CFAP97: variants seen among roughly 807,000 people sequenced by gnomAD.
The protein encoded by CFAP97 is cilia- and flagella-associated protein 97.
CFAP97 carries 36 observed loss-of-function variants against 43.1 expected under a neutral mutation model. The ratio of observed to expected loss-of-function variants is 0.84; its 90% CI spans 0.64 to 1.10. The LOEUF (loss-of-function observed/expected upper bound fraction) is 1.10, where lower values mean the gene tolerates loss of function less well. Among genes scored for constraint, CFAP97 ranks in the 50% least tolerant of loss-of-function variants. The probability of loss-of-function intolerance (pLI) is 0.00; values close to 1 mark genes in which losing one functional copy is unlikely to be tolerated. For missense variants in CFAP97, 657 were observed against 620.3 expected (o/e 1.06, Z -0.63); for synonymous variants, 228 against 225.7 (o/e 1.01, Z -0.09).
At chr4:185,181,973 T>G (rs1055979846) in intron 2 of CFAP97, among the ~76,000 whole-genome samples, 4 of 152,184 alleles carry the variant, frequency 2.6e-5, no homozygotes, top group Non-Finnish European at 4.4e-5. Context: ...TAGCAAAAAA[T>G]TTAACCAGTT....
At chr4:185,205,833 T>C (rs953964525), upstream of CFAP97, among the ~76,000 whole-genome samples, 2 of 152,046 alleles carry the variant, frequency 1.3e-5, no homozygotes, top group Non-Finnish European at 2.9e-5. Context: ...TGTCTCTAAA[T>C]AAATAAACAA....
At chr4:185,168,240 C>T (rs994638294) in intron 3 of CFAP97, among the ~76,000 whole-genome samples, 8 of 151,120 alleles carry the variant, frequency 5.3e-5, no homozygotes, top group Non-Finnish European at 8.8e-5. Context: ...TTTACAAAAT[C>T]TTAGAACTGC....
chr4:185,177,049 C>A (rs1735577461), intron 2 of CFAP97, among the ~76,000 whole-genome samples: 1 of 152,100 alleles, frequency 6.6e-6, no homozygotes, highest in Non-Finnish European at 1.5e-5. Flanking sequence ...GCAATTACTA[C>A]TAAACATTTG....
At chr4:185,172,336 T>TC (rs1735335878) in intron 3 of CFAP97, among the ~76,000 whole-genome samples, 1 of 152,218 alleles carries the variant, frequency 6.6e-6, no homozygotes, top group African/African-American at 2.4e-5. Flanking sequence ...ATCTTGAACC[T>TC]CATCAGGACA....
chr4:185,194,902 G>A (rs1288489156), intron 1 of CFAP97, among the ~76,000 whole-genome samples: 1 of 152,080 alleles, frequency 6.6e-6, no homozygotes, highest in African/African-American at 2.4e-5. Context: ...AATAAATTAG[G>A]CACATAAGTG....
chr4:185,169,063 G>A (rs1210324141), intron 3 of CFAP97: 2 of 152,246 alleles, frequency 1.3e-5, no homozygotes, highest in East Asian at 3.9e-4. Flanking sequence ...TATGTGTGTG[G>A]TGAGAACACC....
upstream of CFAP97, among the ~76,000 whole-genome samples, chr4:185,207,408 G>T (rs1737235270): frequency 6.6e-6 from 1 of 151,746 alleles, no homozygotes; most frequent in Non-Finnish European, 1.5e-5. Flanking sequence ...AGTAGAGACG[G>T]GGTTTTGCCA....
At chr4:185,204,273 C>G (rs945730876), upstream of CFAP97, 3 of 152,208 alleles carry the variant, frequency 2.0e-5, no homozygotes, top group East Asian at 1.9e-4. Context: ...GGGTAGGCCC[C>G]GTTGTTCTCG....
intron 3 of CFAP97, among the ~76,000 whole-genome samples, chr4:185,172,915 T>C (rs1004098021): frequency 2.0e-5 from 3 of 148,750 alleles, no homozygotes; most frequent in Non-Finnish European, 1.5e-5. Flanking sequence ...CTTTTTAAGG[T>C]TGAGTATGAG....
intron 2 of CFAP97, among the ~76,000 whole-genome samples, chr4:185,180,738 TCA>T (rs1226413426): frequency 3.3e-5 from 5 of 152,168 alleles, no homozygotes; most frequent in Admixed American, 6.5e-5. Flanking sequence ...CTGTTTTTTC[TCA>T]TTCTTTTCTA....
chr4:185,162,798 T>C lies in CFAP97; in HGVS notation c.1599A>G (p.Ter533=), dbSNP rs1478225722. 6.2e-7 allele frequency: 1 copy of C among 1,612,524 alleles called. No homozygotes were observed. The highest frequency in any genetic ancestry group is 8.5e-7 in the Non-Finnish European group (1 of 1,179,382). The stretch of plus-strand genomic sequence containing the variant: ...ACAATGTTTAAAGTAAAAAAGTGTT[T>C]TATAACCAAGCTGTACGGACATTAG... ...KPPNVRTAWL[*] Residue 533 remains the stop codon, a stop_retained_variant, in exon 5 of 5, where the codon TAA becomes TAG. Coordinates refer to ENST00000458385, the MANE Select transcript of CFAP97 (RefSeq NM_020827.3).
chr4:185,209,743 G>A (rs1163082066), upstream of CFAP97: 1 of 984,024 alleles, frequency 1.0e-6, no homozygotes, highest in African/African-American at 1.8e-5. This position sits in a 1 kb window ranked among gnomAD's most constrained non-coding sequence, Gnocchi z 5.2. Flanking sequence ...CGAGGCATGA[G>A]CGCGGGCTCC....
chr4:185,181,054 G>A (rs1476790908), intron 2 of CFAP97, among the ~76,000 whole-genome samples: 5 of 151,824 alleles, frequency 3.3e-5, no homozygotes, highest in African/African-American at 4.8e-5. Context: ...TTTGCAAGTC[G>A]TTTAATGCCT....
chr4:185,163,590 G>A (rs10014968), intron 4 of CFAP97, among the ~76,000 whole-genome samples: 3,676 of 151,672 alleles, frequency 0.024, 133 homozygotes, highest in African/African-American at 0.084. Flanking sequence ...ACTGTAAAGC[G>A]GTAAGGCTTG....
In CFAP97 at chr4:185,167,333, T is replaced by C. The variant is rs369058410; in HGVS notation, c.1321-3154A>G. ...AAATACAAAAATTAGCCGGGCGTGG[T>C]TGCATGTGCCTGTGGTCCCAGCTAC... On this transcript the variant is annotated intron_variant, in intron 3 of 4. Transcript: ENST00000458385. Among the ~76,000 whole-genome samples the C allele has an allele frequency of 2.0e-5, 3 of 152,060 alleles. No individual in the cohort carries two copies. The East Asian group carries it at 5.8e-4, about 29-fold the overall frequency.
chr4:185,199,346 G>A (rs1736715243), intron 1 of CFAP97, among the ~76,000 whole-genome samples: 1 of 152,088 alleles, frequency 6.6e-6, no homozygotes. Context: ...ACTACAGCCT[G>A]GGTGACAGAG....
In CFAP97 at chr4:185,160,348, T is replaced by C. The variant is rs1012956168; in HGVS notation, c.*2450A>G. ...TAGTTATAGATGTAAATCTTCAAAG[T>C]ACATATATTCAGTACAAGTCAAAAA... is the stretch of plus-strand genomic sequence containing the variant. On this transcript the variant is annotated 3_prime_UTR_variant, in exon 5 of 5. Transcript: ENST00000458385. 24 of 151,900 alleles carry C rather than the reference T, an allele frequency of 1.6e-4. No homozygotes were observed. The highest frequency in any genetic ancestry group is 5.6e-4 in the African/African-American group (23 of 41,316). 9.4% of individuals were successfully genotyped at this position (151,900 alleles called of 1,614,324 possible).
At chr4:185,180,249 A>T (rs1359679363) in intron 2 of CFAP97, among the ~76,000 whole-genome samples, 1 of 152,018 alleles carries the variant, frequency 6.6e-6, no homozygotes, top group Non-Finnish European at 1.5e-5. Flanking sequence ...CTAGTGTTTT[A>T]TTTTTTTATT....
chr4:185,160,229 C>T lies in CFAP97; in HGVS notation c.*2569G>A, dbSNP rs112955110. ...ATAACTTTAATAGTTAAAAAACTTT[C>T]GTAGAATCTTACTAAAAAGGAGGCA... On this transcript the variant is annotated 3_prime_UTR_variant, in exon 5 of 5. Coordinates refer to ENST00000458385, the MANE Select transcript of CFAP97 (RefSeq NM_020827.3). The T allele has an allele frequency of 2.6e-5, 4 of 152,222 alleles. 1 individual carries two copies. Among genetic ancestry groups the T allele is most frequent in the African/African-American group, 9.6e-5 (4 of 41,538 alleles). 9.4% of individuals were successfully genotyped at this position (152,222 alleles called of 1,614,324 possible). A position where few individuals can be genotyped will look rare whatever the true frequency, so the allele number is the denominator to read the frequency against.
Sources: gnomAD v4.1 joint callset for allele counts (sites outside exome capture counted in the v4.1 genomes callset) on GRCh38, gnomAD v4.1.1 for gene constraint, Gnocchi (gnomAD v3.1) non-coding constraint, MANE v1.5 for transcripts, NCBI Gene and HGNC (gene_info 2026-07-23, HGNC 2026-07-21) for gene names.